PTPRD: variants seen among roughly 807,000 people sequenced by gnomAD.
PTPRD encodes the protein protein tyrosine phosphatase receptor type D.
In PTPRD, 34 loss-of-function variants were observed where a neutral mutation model predicts 214.5. The ratio of observed to expected loss-of-function variants is 0.16; its 90% CI spans 0.12 to 0.21. The LOEUF (loss-of-function observed/expected upper bound fraction) is 0.21, where lower values mean the gene tolerates loss of function less well. PTPRD is among the 10% of genes least tolerant of loss of function. The pLI, the probability that PTPRD is intolerant of heterozygous loss-of-function variation, is 1.00. For synonymous variants in PTPRD, 1,128 were observed against 845.7 expected (o/e 1.33, Z -5.79); for missense variants, 2,545 against 2,398.7 (o/e 1.06, Z -1.27).
chr9:9,425,297 G>A (rs752382101), intron 8 of PTPRD, among the ~76,000 whole-genome samples: 5 of 151,190 alleles, frequency 3.3e-5, no homozygotes, highest in East Asian at 1.9e-4. Context: ...TCAGAATCAT[G>A]AGCAATAAAC....
At chr9:8,898,983 T>C (rs2098642888) in intron 11 of PTPRD, among the ~76,000 whole-genome samples, 1 of 152,200 alleles carries the variant, frequency 6.6e-6, no homozygotes, top group African/African-American at 2.4e-5. Flanking sequence ...TGGAGTATTT[T>C]AATAAAAGTG....
intron 7 of PTPRD, among the ~76,000 whole-genome samples, chr9:9,580,856 T>C (rs1202473756): frequency 6.6e-6 from 1 of 151,904 alleles, no homozygotes; most frequent in Non-Finnish European, 1.5e-5. Context: ...GCCCTTAGCC[T>C]ACTTTTTAAT....
Position 10,126,182 on chromosome 9 carries a change from T to C in PTPRD, c.-544-92392A>G, listed in dbSNP as rs188159314. Among the ~76,000 whole-genome samples, 10 of 152,256 alleles carry C rather than the reference T, an allele frequency of 6.6e-5. No homozygotes were observed. The East Asian group carries it at 1.7e-3, about 26-fold the overall frequency. On this transcript the variant is annotated intron_variant, in intron 3 of 45. Transcript: ENST00000381196. ...CAAAGGTGGGCATATACTCATACTGTTATTACAGTTGAGAAATAGTGAGCT... is the reference window on the plus strand; with the variant it reads ...CAAAGGTGGGCATATACTCATACTGCTATTACAGTTGAGAAATAGTGAGCT...
chr9:8,742,455 T>C (rs1285933374), intron 11 of PTPRD, among the ~76,000 whole-genome samples: 2 of 152,194 alleles, frequency 1.3e-5, no homozygotes, highest in African/African-American at 4.8e-5. Flanking sequence ...GATTTTGTCA[T>C]CTTTAAAAAT....
intron 3 of PTPRD, among the ~76,000 whole-genome samples, chr9:10,293,251 G>T (rs773787745): frequency 4.0e-5 from 6 of 151,652 alleles, no homozygotes; most frequent in Non-Finnish European, 7.4e-5. Context: ...CCTGAAAGAG[G>T]TATAGAAAAA....
intron 7 of PTPRD, among the ~76,000 whole-genome samples, chr9:9,609,215 TAAAA>T (rs1433171250): frequency 6.6e-6 from 1 of 152,176 alleles, no homozygotes; most frequent in Non-Finnish European, 1.5e-5. Flanking sequence ...GCCCAATATT[TAAAA>T]ACTCAGCATG....
chr9:8,372,168 A>G (rs914166902), intron 39 of PTPRD, among the ~76,000 whole-genome samples: 1 of 152,016 alleles, frequency 6.6e-6, no homozygotes. Context: ...AAATATGTAC[A>G]TTTGAAAAAA....
intron 14 of PTPRD, among the ~76,000 whole-genome samples, chr9:8,567,351 T>G (rs985865284): frequency 2.0e-5 from 3 of 152,178 alleles, no homozygotes; most frequent in African/African-American, 7.2e-5. Flanking sequence ...GGAGTCACTT[T>G]CTCCAAAATA....
intron 8 of PTPRD, among the ~76,000 whole-genome samples, chr9:9,413,890 A>G (rs1465344048): frequency 6.6e-6 from 1 of 152,236 alleles, no homozygotes; most frequent in African/African-American, 2.4e-5. Flanking sequence ...TGCCCTTTAC[A>G]TGTAATACAT....
intron 9 of PTPRD, among the ~76,000 whole-genome samples, chr9:9,259,904 G>A (rs7849465): frequency 0.11 from 16,677 of 151,808 alleles, 985 homozygotes; most frequent in Middle Eastern, 0.18. Flanking sequence ...AGTGATGCGA[G>A]GAGGGTTTAA....
intron 3 of PTPRD, among the ~76,000 whole-genome samples, chr9:10,177,680 G>C (rs1021003395): frequency 2.0e-5 from 3 of 151,836 alleles, no homozygotes; most frequent in Admixed American, 6.6e-5. Flanking sequence ...TTAAAGGGTA[G>C]AATTAGCAGG....
intron 2 of PTPRD, among the ~76,000 whole-genome samples, chr9:10,454,041 A>T (rs575392168): frequency 1.3e-5 from 2 of 151,762 alleles, no homozygotes; most frequent in South Asian, 4.1e-4. Context: ...ATAATACAAG[A>T]TAGTATCCAC....
At chr9:9,184,021 T>G (rs1363817545) in intron 9 of PTPRD, among the ~76,000 whole-genome samples, 1 of 152,114 alleles carries the variant, frequency 6.6e-6, no homozygotes, top group Admixed American at 6.6e-5. Context: ...ATGATTCATT[T>G]TTGTATTGTT....
intron 4 of PTPRD, among the ~76,000 whole-genome samples, chr9:9,969,253 A>G (rs1007939448): frequency 6.6e-6 from 1 of 152,164 alleles, no homozygotes; most frequent in Non-Finnish European, 1.5e-5. Context: ...GCTGCAGCAC[A>G]GTCTCAGGGA....
intron 12 of PTPRD, among the ~76,000 whole-genome samples, chr9:8,649,790 T>C (rs2096768927): frequency 6.6e-6 from 1 of 152,264 alleles, no homozygotes; most frequent in African/African-American, 2.4e-5. Context: ...TAATTAATAT[T>C]AACTTCTAAA....
chr9:9,222,099 T>A (rs1248978394), intron 9 of PTPRD, among the ~76,000 whole-genome samples: 1 of 152,116 alleles, frequency 6.6e-6, no homozygotes, highest in African/African-American at 2.4e-5. Flanking sequence ...ACTGTAACAA[T>A]ATTAATATTC....
chr9:8,652,905 C>G (rs2096841581), intron 12 of PTPRD, among the ~76,000 whole-genome samples: 1 of 152,138 alleles, frequency 6.6e-6, no homozygotes. Context: ...GTGAGATAAG[C>G]CTTTATTCCA....
intron 39 of PTPRD, among the ~76,000 whole-genome samples, chr9:8,363,027 A>C (rs2078891300): frequency 6.6e-6 from 1 of 152,194 alleles, no homozygotes; most frequent in Non-Finnish European, 1.5e-5. Flanking sequence ...GCAATTGCCT[A>C]CTGCTTTAGG....
At chr9:10,363,785 G>T (rs1243813828) in intron 2 of PTPRD, among the ~76,000 whole-genome samples, 2 of 151,886 alleles carry the variant, frequency 1.3e-5, no homozygotes, top group Non-Finnish European at 1.5e-5. Context: ...GCAATGAAAA[G>T]GTCAGGCTTG....
Sources: allele counts gnomAD v4.1 joint callset (sites outside exome capture counted in the v4.1 genomes callset), GRCh38; gene constraint gnomAD v4.1.1; transcripts MANE v1.5; gene names NCBI Gene and HGNC (gene_info 2026-07-23, HGNC 2026-07-21).